The following WDR70 variants were observed in gnomAD, a reference collection of about 807,000 sequenced individuals.
The protein encoded by WDR70 is WD repeat domain 70.
A neutral mutation model predicts 88.6 loss-of-function variants in WDR70; 53 were observed. The ratio of observed to expected loss-of-function variants is 0.60; its 90% CI spans 0.48 to 0.75. The LOEUF (loss-of-function observed/expected upper bound fraction) is 0.75, where lower values mean the gene tolerates loss of function less well. WDR70 is among the 30% of genes least tolerant of loss of function. The pLI, the probability that WDR70 is intolerant of heterozygous loss-of-function variation, is 0.00. For synonymous variants in WDR70, 280 were observed against 270.0 expected (o/e 1.04, Z -0.36); for missense variants, 610 against 823.2 (o/e 0.74, Z 3.17).
chr5:37,451,169 A>G (rs532999786), intron 7 of WDR70, among the ~76,000 whole-genome samples: 4 of 152,138 alleles, frequency 2.6e-5, no homozygotes, highest in Non-Finnish European at 4.4e-5. Context: ...AAGTGCTGGG[A>G]TTACAGACGT....
intron 10 of WDR70, among the ~76,000 whole-genome samples, chr5:37,610,530 A>G (rs35790633): frequency 0.059 from 9,046 of 152,110 alleles, 366 homozygotes; most frequent in Non-Finnish European, 0.091. Flanking sequence ...ATGCTTGTAA[A>G]TTACCTGATA....
At position 37,402,904 on chromosome 5, in the gene WDR70, TTCCTTCCTTCCC is replaced by T. The variant is rs1485583385; in HGVS notation, c.492+6337_492+6348del. 7.7e-3 allele frequency among the ~76,000 whole-genome samples: 1,155 copies of T among 149,570 alleles called. 13 individuals carry two copies. Among genetic ancestry groups the T allele is most frequent in the African/African-American group, 0.027 (1,096 of 40,744 alleles). ...GCATGTAAAATCCATCCTTCCTTCC[TTCCTTCCTTCCC>T]TCTTTCCCTCCTTCCCTCCCTCCCT... On this transcript the variant is annotated intron_variant, in intron 5 of 17. Transcript: ENST00000265107.
chr5:37,531,814 A>G (rs1462201806), intron 9 of WDR70, among the ~76,000 whole-genome samples: 1 of 146,214 alleles, frequency 6.8e-6, no homozygotes. Context: ...TGTTGCCTGA[A>G]TACCTTTTTT....
At chr5:37,627,932 C>T (rs1187706904) in intron 10 of WDR70, among the ~76,000 whole-genome samples, 1 of 152,056 alleles carries the variant, frequency 6.6e-6, no homozygotes, top group East Asian at 1.9e-4. Flanking sequence ...GTCTGTGGTA[C>T]AGTTTGTGTA....
At chr5:37,697,602 T>C in intron 10 of WDR70, 53 bp from the exon 11 acceptor site, 1 of 1,447,704 alleles carries the variant, frequency 6.9e-7, no homozygotes, top group Non-Finnish European at 9.7e-7. Context: ...CACAAAACTG[T>C]TCTCTTCTGA....
chr5:37,431,320 A>G (rs1480602781), intron 5 of WDR70, among the ~76,000 whole-genome samples: 1 of 152,212 alleles, frequency 6.6e-6, no homozygotes, highest in African/African-American at 2.4e-5. Flanking sequence ...GGTGGAGAGT[A>G]ACAGAGCTAT....
chr5:37,626,046 A>G (rs926506174), intron 10 of WDR70, among the ~76,000 whole-genome samples: 1 of 147,786 alleles, frequency 6.8e-6, no homozygotes, highest in Non-Finnish European at 1.5e-5. Context: ...GTTTTTCCAT[A>G]TATAAGATCA....
In WDR70 at chr5:37,442,937, C is replaced by G. The variant is rs536056618; in HGVS notation, c.553-302C>G. ...GATTTTTACTTGTACACTAAAGCAA[C>G]TTAGTTTATCTTATGGAATTGCAGT... On this transcript the variant is annotated intron_variant, in intron 6 of 17. Transcript: ENST00000265107. Among the ~76,000 whole-genome samples, 7 of 152,262 alleles carry G rather than the reference C, an allele frequency of 4.6e-5. No individual in the cohort carries two copies. In the South Asian group the frequency reaches 1.4e-3, roughly 31 times the overall value.
chr5:37,744,474 A>C (rs938143684), intron 17 of WDR70, among the ~76,000 whole-genome samples: 56 of 152,098 alleles, frequency 3.7e-4, no homozygotes, highest in African/African-American at 1.4e-3. Flanking sequence ...GGTAATAAAA[A>C]GCTATGATGA....
chr5:37,418,244 CCTT>C (rs1279024298), intron 5 of WDR70, among the ~76,000 whole-genome samples: 1 of 151,842 alleles, frequency 6.6e-6, no homozygotes, highest in African/African-American at 2.4e-5. Context: ...ATTAAATAAA[CCTT>C]GACCTAAAAA....
chr5:37,671,868 T>G (rs1382125433), intron 10 of WDR70, among the ~76,000 whole-genome samples: 1 of 152,200 alleles, frequency 6.6e-6, no homozygotes, highest in Admixed American at 6.5e-5. Context: ...ATCACAATAC[T>G]TTGCTGGTTT....
chr5:37,648,368 C>A (rs951856779), intron 10 of WDR70, among the ~76,000 whole-genome samples: 2 of 152,090 alleles, frequency 1.3e-5, no homozygotes, highest in African/African-American at 4.8e-5. Flanking sequence ...GTCTTTCAGG[C>A]TGTTTTTATG....
intron 9 of WDR70, among the ~76,000 whole-genome samples, chr5:37,580,335 C>A (rs681028): frequency 0.029 from 4,418 of 152,262 alleles, 227 homozygotes; most frequent in African/African-American, 0.1. Context: ...CTGCTTAACA[C>A]ACGACAGCTA....
At chr5:37,743,060 A>C (rs927951430) in intron 17 of WDR70, among the ~76,000 whole-genome samples, 1 of 152,222 alleles carries the variant, frequency 6.6e-6, no homozygotes. Context: ...TCCCATTGGA[A>C]AAAAACATAA....
At chr5:37,587,435 C>T (rs1174468623) in intron 9 of WDR70, among the ~76,000 whole-genome samples, 15 of 151,944 alleles carry the variant, frequency 9.9e-5, no homozygotes, top group Admixed American at 2.0e-4. Flanking sequence ...CCCCGACACC[C>T]GTTTCCATTT....
chr5:37,724,161 G>A (rs1328964250), intron 15 of WDR70: 1 of 152,042 alleles, frequency 6.6e-6, no homozygotes, highest in Non-Finnish European at 1.5e-5. Flanking sequence ...GGCAAAAAAA[G>A]GGAGTTATTT....
At chr5:37,714,151 C>A (rs181799312) in intron 13 of WDR70, among the ~76,000 whole-genome samples, 151 of 152,312 alleles carry the variant, frequency 9.9e-4, no homozygotes, top group Non-Finnish European at 1.6e-3. Context: ...TTCGTCTATA[C>A]AGGAAGATTC....
intron 5 of WDR70, among the ~76,000 whole-genome samples, chr5:37,412,648 G>A (rs188158570): frequency 6.6e-6 from 1 of 152,280 alleles, no homozygotes; most frequent in African/African-American, 2.4e-5. Flanking sequence ...CATGAACTCT[G>A]TCTGACTCCC....
Position 37,739,839 on chromosome 5 carries a change from C to CT in WDR70, c.1878-12646dup, listed in dbSNP as rs1748422325. Among the ~76,000 whole-genome samples, 22 of 152,256 alleles carry CT rather than the reference C, an allele frequency of 1.4e-4. 1 individual carries two copies. In the South Asian group the frequency reaches 4.6e-3, roughly 32 times the overall value. On this transcript the variant is annotated intron_variant, in intron 17 of 17. Coordinates refer to ENST00000265107, the MANE Select transcript of WDR70 (RefSeq NM_018034.4). ...GCCCTGGTGTGTGATGTTCCCCTCC[C>CT]TGTGTCCATGTGTTCTCATTCCAAC...
Sources: allele counts gnomAD v4.1 joint callset (sites outside exome capture counted in the v4.1 genomes callset), GRCh38; gene constraint gnomAD v4.1.1; transcripts MANE v1.5; gene names NCBI Gene and HGNC (gene_info 2026-07-23, HGNC 2026-07-21).